USP32: variants seen among roughly 807,000 people sequenced by gnomAD.
USP32 encodes the protein ubiquitin specific peptidase 32, also known as ubiquitin carboxyl-terminal hydrolase 32.
A neutral mutation model predicts 204.8 loss-of-function variants in USP32; 59 were observed. The ratio of observed to expected loss-of-function variants is 0.29; its 90% CI spans 0.23 to 0.36. The LOEUF (loss-of-function observed/expected upper bound fraction) is 0.36, where lower values mean the gene tolerates loss of function less well. USP32 is among the 10% of genes least tolerant of loss of function. The probability of loss-of-function intolerance (pLI) is 1.00; values close to 1 mark genes in which losing one functional copy is unlikely to be tolerated. For synonymous variants in USP32, 517 were observed against 678.4 expected (o/e 0.76, Z 3.70); for missense variants, 1,160 against 1,946.4 (o/e 0.60, Z 7.60).
At chr17:60,366,167 TC>T (rs1454283588) in intron 1 of USP32, among the ~76,000 whole-genome samples, 2 of 151,588 alleles carry the variant, frequency 1.3e-5, no homozygotes, top group African/African-American at 2.4e-5. Flanking sequence ...TTTTCTTTTT[TC>T]TTTTTTTTGA....
chr17:60,248,268 G>A (rs1021359180), intron 11 of USP32, among the ~76,000 whole-genome samples: 4 of 152,152 alleles, frequency 2.6e-5, no homozygotes, highest in Non-Finnish European at 5.9e-5. Context: ...TCTACATGAT[G>A]AGTCTTTCTG....
Position 60,179,046 on chromosome 17 carries a change from T to A in USP32, c.*209A>T. The A allele has an allele frequency of 1.8e-6, 1 of 559,568 alleles. No homozygotes were observed. Among genetic ancestry groups the A allele is most frequent in the Non-Finnish European group, 2.9e-6 (1 of 339,474 alleles). The allele number at this position is 559,568 out of a possible 1,614,324, so 34.7% of individuals were successfully genotyped here. A position where few individuals can be genotyped will look rare whatever the true frequency, so the allele number is the denominator to read the frequency against. ...AATGGTGGGATCTGCCTGAAAGTTCTCTATCGGAGAGCTTGTATGAGACTT... is the reference window on the plus strand; with the variant it reads ...AATGGTGGGATCTGCCTGAAAGTTCACTATCGGAGAGCTTGTATGAGACTT... On this transcript the variant is annotated 3_prime_UTR_variant, in exon 34 of 34. Coordinates refer to ENST00000300896, the MANE Select transcript of USP32 (RefSeq NM_032582.4).
chr17:60,329,638 T>C (rs1184951639), intron 2 of USP32, among the ~76,000 whole-genome samples: 1 of 152,144 alleles, frequency 6.6e-6, no homozygotes, highest in Non-Finnish European at 1.5e-5. Flanking sequence ...AGAACACTCC[T>C]TATTACTTTT....
chr17:60,381,354 T>C (rs1228168322), intron 1 of USP32, among the ~76,000 whole-genome samples: 5 of 151,776 alleles, frequency 3.3e-5, no homozygotes, highest in Non-Finnish European at 7.4e-5. Context: ...GATGGAAGGA[T>C]TGCATGAGCG....
chr17:60,366,901 C>A (rs539191587), intron 1 of USP32, among the ~76,000 whole-genome samples: 2 of 152,202 alleles, frequency 1.3e-5, no homozygotes, highest in South Asian at 4.2e-4. Context: ...CGGCTCACTG[C>A]AAGCTCCGCC....
intron 1 of USP32, among the ~76,000 whole-genome samples, chr17:60,390,487 A>G (rs887254109): frequency 6.6e-6 from 1 of 152,252 alleles, no homozygotes; most frequent in African/African-American, 2.4e-5. Flanking sequence ...GCAGACAAAA[A>G]AAGTTCAAAT....
intron 12 of USP32, among the ~76,000 whole-genome samples, chr17:60,228,643 T>C (rs2085462401): frequency 6.6e-6 from 1 of 150,752 alleles, no homozygotes. Flanking sequence ...CGTGGATAGA[T>C]CCCGTCTTTA....
At chr17:60,354,861 C>T (rs2089032027) in intron 1 of USP32, among the ~76,000 whole-genome samples, 1 of 152,132 alleles carries the variant, frequency 6.6e-6, no homozygotes, top group Non-Finnish European at 1.5e-5. Context: ...ACCTGGCCAA[C>T]AGAGTTTGCT....
intron 1 of USP32, among the ~76,000 whole-genome samples, chr17:60,346,446 C>G (rs918227577): frequency 1.9e-4 from 29 of 152,194 alleles, no homozygotes; most frequent in Admixed American, 1.9e-3. Context: ...GAGCACATCT[C>G]TATCCATATG....
At chr17:60,393,543 A>G (rs1007445002), upstream of USP32, among the ~76,000 whole-genome samples, 1 of 152,208 alleles carries the variant, frequency 6.6e-6, no homozygotes, top group Non-Finnish European at 1.5e-5. Context: ...AAAAGGAAGC[A>G]ATATTGAAAA....
intron 7 of USP32, among the ~76,000 whole-genome samples, chr17:60,268,407 T>TAA (rs35476884): frequency 3.2e-4 from 44 of 138,478 alleles, no homozygotes; most frequent in Admixed American, 1.0e-3. Context: ...TATCTCTATT[T>TAA]AAAAAAAAAA....
chr17:60,373,010 C>CA (rs1207652747), intron 1 of USP32, among the ~76,000 whole-genome samples: 26 of 151,706 alleles, frequency 1.7e-4, no homozygotes, highest in African/African-American at 5.3e-4. Context: ...ACATAAAAAA[C>CA]AAAAAAATCA....
intron 5 of USP32, among the ~76,000 whole-genome samples, chr17:60,276,449 CT>C (rs1293090110): frequency 6.6e-6 from 1 of 152,112 alleles, no homozygotes; most frequent in African/African-American, 2.4e-5. Flanking sequence ...AAAGAAGCCT[CT>C]TTCATTCCTC....
At chr17:60,381,812 T>C (rs923504949) in intron 1 of USP32, among the ~76,000 whole-genome samples, 1 of 152,164 alleles carries the variant, frequency 6.6e-6, no homozygotes, top group Middle Eastern at 3.2e-3. Context: ...ATCCAAGGAA[T>C]TATCCTGCAA....
Position 60,315,535 on chromosome 17 carries a change from T to C in USP32, c.187-13831A>G, listed in dbSNP as rs76767661. Among the ~76,000 whole-genome samples, 1,445 of 152,304 alleles carry C rather than the reference T, an allele frequency of 9.5e-3. 33 individuals are homozygous for C. The highest frequency in any genetic ancestry group is 0.033 in the African/African-American group (1,389 of 41,564). On this transcript the variant is annotated intron_variant, in intron 2 of 33. Transcript: ENST00000300896. ...TTCTGGAAAACAGCCTGGTGGTTCTTCAAAAAGGTAAACATAGAATTACCA... is the reference window on the plus strand; with the variant it reads ...TTCTGGAAAACAGCCTGGTGGTTCTCCAAAAAGGTAAACATAGAATTACCA...
chr17:60,413,880 A>G (rs1467303459), intron 1 of USP32, among the ~76,000 whole-genome samples: 2 of 139,602 alleles, frequency 1.4e-5, no homozygotes, highest in African/African-American at 5.0e-5. Context: ...AAAAAAGAAA[A>G]AAAAAAAAAA....
chr17:60,245,087 T>C (rs2085980064), intron 11 of USP32, among the ~76,000 whole-genome samples: 1 of 152,276 alleles, frequency 6.6e-6, no homozygotes. Context: ...AAGATCGTTA[T>C]ATGTAATGGG....
intron 24 of USP32, 103 bp from the exon 25 acceptor site, chr17:60,207,235 C>G: frequency 6.9e-7 from 1 of 1,455,510 alleles, no homozygotes; most frequent in Non-Finnish European, 9.1e-7. Context: ...CGCTTTCATC[C>G]GTAAAACCAA....
At chr17:60,352,787 T>C (rs1003862759) in intron 1 of USP32, among the ~76,000 whole-genome samples, 2 of 152,146 alleles carry the variant, frequency 1.3e-5, no homozygotes, top group African/African-American at 4.8e-5. Flanking sequence ...CTGCCACCTC[T>C]GTCTCCAAAG....
Sources: gnomAD v4.1 joint callset for allele counts (sites outside exome capture counted in the v4.1 genomes callset) on GRCh38, gnomAD v4.1.1 for gene constraint, MANE v1.5 for transcripts, NCBI Gene and HGNC (gene_info 2026-07-23, HGNC 2026-07-21) for gene names.